Variants in GBP3 observed in about 807,000 individuals in gnomAD.
GBP3 encodes guanylate binding protein 3, also known as guanylate-binding protein 3.
GBP3 carries 55 observed loss-of-function variants against 62.4 expected under a neutral mutation model. The ratio of observed to expected loss-of-function variants is 0.88; its 90% CI spans 0.71 to 1.10. GBP3 has a LOEUF of 1.10. Among genes scored for constraint, GBP3 ranks in the 50% least tolerant of loss-of-function variants. The pLI is 0.00. For missense variants in GBP3, 605 were observed against 690.6 expected, an observed-to-expected ratio of 0.88 and a Z score of 1.39; for synonymous variants, 208 against 259.2, an observed-to-expected ratio of 0.80 and a Z score of 1.90.
chr1:89,007,795 C>T lies in GBP3; in HGVS notation c.1717G>A (p.Glu573Lys), dbSNP rs1357084373. ...AGGGTCTTCTGTAGCTTTTGTATCT[C>T]ATTTTGAAGTTGGGTACTTTCACCT... Reference protein sequence around the residue: ...CQGESTQLQNEIQKLQKTLKK... With the variant: ...CQGESTQLQNKIQKLQKTLKK... The change falls in exon 11 of 11, where the codon GAG becomes AAG. Residue 573 changes from glutamate (E) to lysine (K), a missense_variant. Coordinates refer to ENST00000370481, the MANE Select transcript of GBP3 (RefSeq NM_018284.3). 2 of 1,613,246 alleles carry T rather than the reference C, an allele frequency of 1.2e-6. No individual in the cohort carries two copies. The highest frequency in any genetic ancestry group is 2.2e-5 in the South Asian group (2 of 91,034).
At chr1:89,012,140 A>G in intron 6 of GBP3, 113 bp from the exon 7 acceptor site, 1 of 1,063,988 alleles carries the variant, frequency 9.4e-7, no homozygotes, top group Admixed American at 2.4e-5. Context: ...CAAGGTCCTC[A>G]GAATCATCTG....
Position 89,008,652 on chromosome 1 carries a change from T to G in GBP3, c.1659+295A>C, listed in dbSNP as rs534126808. On this transcript the variant is annotated intron_variant, in intron 10 of 10. Coordinates refer to ENST00000370481, the MANE Select transcript of GBP3 (RefSeq NM_018284.3). ...TAATAGGGATAAAGTTCTCGCTTCA[T>G]ATGGTATTAAGCAAGAGATATAGAT... Among the ~76,000 whole-genome samples the G allele has an allele frequency of 3.9e-5, 6 of 152,042 alleles. No individual in the cohort carries two copies. In the South Asian group the frequency reaches 1.2e-3, roughly 32 times the overall value.
At chr1:89,018,969 G>A (rs1200890924) in intron 2 of GBP3, among the ~76,000 whole-genome samples, 1 of 152,204 alleles carries the variant, frequency 6.6e-6, no homozygotes, top group East Asian at 1.9e-4. Flanking sequence ...AATAACAAAT[G>A]TTGGTGAATA....
chr1:89,012,170 T>A, intron 6 of GBP3, 143 bp from the exon 7 acceptor site: 1 of 885,254 alleles, frequency 1.1e-6, no homozygotes, highest in Non-Finnish European at 1.7e-6. Context: ...TGGAAATGCC[T>A]ATTGTTAGCC....
Position 89,015,366 on chromosome 1 carries a change from A to C in GBP3, c.239T>G (p.Met80Arg). 6.2e-7 allele frequency: 1 copy of C among 1,613,742 alleles called. No individual in the cohort carries two copies. Among genetic ancestry groups the C allele is most frequent in the Non-Finnish European group, 8.5e-7 (1 of 1,179,818 alleles). ...CTTTTTGGGGTGAGGCACACACCACATCCAGATTCCTTTGGTGTGAGATTT... is the reference window on the plus strand; with the variant it reads ...CTTTTTGGGGTGAGGCACACACCACCTCCAGATTCCTTTGGTGTGAGATTT... ...TVKSHTKGIW[M>R]WCVPHPKKPE... Residue 80 changes from methionine (M) to arginine (R), a missense_variant, in exon 3 of 11, where the codon ATG becomes AGG. Physicochemically the swap from Met to Arg is moderately conservative, Grantham distance 91. Transcript: ENST00000370481.
chr1:89,014,406 T>C (rs1399623487), intron 4 of GBP3, 127 bp from the exon 5 acceptor site: 4 of 1,593,872 alleles, frequency 2.5e-6, no homozygotes, highest in Middle Eastern at 1.7e-4. Context: ...AGTGGATACA[T>C]GGGATCTCTC....
chr1:89,018,715 C>T (rs1346534798), intron 2 of GBP3, among the ~76,000 whole-genome samples: 1 of 151,950 alleles, frequency 6.6e-6, no homozygotes, highest in Non-Finnish European at 1.5e-5. Flanking sequence ...CCCATGTGAC[C>T]ATCTCACCTC....
intron 10 of GBP3, 22 bp from the exon 11 acceptor site, chr1:89,007,874 C>G (rs368179498): frequency 2.5e-6 from 4 of 1,605,334 alleles, no homozygotes; most frequent in African/African-American, 1.3e-5. Context: ...CAAATGGAGG[C>G]TAAATAAGTG....
intron 2 of GBP3, among the ~76,000 whole-genome samples, chr1:89,015,973 G>A (rs1678869117): frequency 6.6e-6 from 1 of 152,092 alleles, no homozygotes; most frequent in African/African-American, 2.4e-5. Flanking sequence ...GAAACAGAAA[G>A]CATCTAAATT....
chr1:89,022,837 A>G lies in GBP3; in HGVS notation c.-176T>C, dbSNP rs1679322562. 1.3e-5 allele frequency: 2 copies of G among 152,188 alleles called. No homozygotes were observed. Among genetic ancestry groups the G allele is most frequent in the Admixed American group, 6.5e-5 (1 of 15,282 alleles). 9.4% of individuals were successfully genotyped at this position (152,188 alleles called of 1,614,324 possible). ...AATTAGAAGTTAAGCAACCTTTGTA[A>G]TGGCTTCAGAGCCTAATGAAACTGA... is the stretch of plus-strand genomic sequence containing the variant. On this transcript the variant is annotated 5_prime_UTR_variant, in exon 1 of 11. Coordinates refer to ENST00000370481, the MANE Select transcript of GBP3 (RefSeq NM_018284.3).
Position 89,009,448 on chromosome 1 carries a change from G to T in GBP3, c.1409C>A (p.Thr470Asn), listed in dbSNP as rs774434049. 6.2e-7 allele frequency: 1 copy of T among 1,613,932 alleles called. No individual in the cohort carries two copies. Among genetic ancestry groups the T allele is most frequent in the South Asian group, 1.1e-5 (1 of 91,082 alleles). ...CTGGTCTGTCTGTAGAATTGCATCGGTCACAGACTCCTTGGATTTCAAGTA... is the reference window on the plus strand; with the variant it reads ...CTGGTCTGTCTGTAGAATTGCATCGTTCACAGACTCCTTGGATTTCAAGTA... Reference protein sequence around the residue: ...QTYLKSKESVTDAILQTDQIL... With the variant: ...QTYLKSKESVNDAILQTDQIL... Residue 470 changes from threonine to asparagine, a missense_variant, in exon 9 of 11, where the codon ACC (threonine) becomes AAC (asparagine). Physicochemically the swap from Thr to Asn is moderately conservative, Grantham distance 65 (BLOSUM62 0). This residue lies in a region of GBP3 where 160 missense variants were observed against 147.8 expected (regional missense o/e 1.08). Coordinates refer to ENST00000370481, the MANE Select transcript of GBP3 (RefSeq NM_018284.3).
In GBP3 at chr1:89,006,925, T is replaced by G. The variant is rs1557720339; in HGVS notation, c.*799A>C. 6.6e-6 allele frequency: 1 copy of G among 152,228 alleles called. No individual in the cohort carries two copies. Among genetic ancestry groups the G allele is most frequent in the African/African-American group, 2.4e-5 (1 of 41,462 alleles). 9.4% of individuals were successfully genotyped at this position (152,228 alleles called of 1,614,324 possible). A position where few individuals can be genotyped will look rare whatever the true frequency, so the allele number is the denominator to read the frequency against. The stretch of plus-strand genomic sequence containing the variant: ...AAAAGACTAACTTATGCTTTAGGAT[T>G]AAAACAATCAAATAATTAAATTAGT... On this transcript the variant is annotated 3_prime_UTR_variant, in exon 11 of 11. Coordinates refer to ENST00000370481, the MANE Select transcript of GBP3 (RefSeq NM_018284.3).
At chr1:89,010,782 A>G (rs1678514000) in intron 8 of GBP3, 122 bp downstream of exon 8, 1 of 1,257,460 alleles carries the variant, frequency 8.0e-7, no homozygotes, top group South Asian at 1.3e-5. Flanking sequence ...ATGTTATTGA[A>G]TGAAAGCATG....
chr1:89,010,971 C>A lies in GBP3; in HGVS notation c.1295G>T (p.Cys432Phe). The change falls in exon 8 of 11, where the codon TGT becomes TTT. Residue 432 changes from cysteine (C) to phenylalanine (F), a missense_variant. Physicochemically the swap from Cys to Phe is radical, Grantham distance 205. Transcript: ENST00000370481. ...GTCTTGTAGCTTCTGAATAAAGAGA[C>A]AATAGCCCCCTGGTTTCGAATAAAT... The part of the protein sequence containing the change: ...AGIYSKPGGY[C>F]LFIQKLQDLE... 8 of 1,461,530 alleles carry A rather than the reference C, an allele frequency of 5.5e-6. 2 individuals carry two copies. Among genetic ancestry groups the A allele is most frequent in the Non-Finnish European group, 7.6e-6 (8 of 1,055,146 alleles). The allele number at this position is 1,461,530 out of a possible 1,614,324, so 90.5% of individuals were successfully genotyped here. A position where few individuals can be genotyped will look rare whatever the true frequency, so the allele number is the denominator to read the frequency against.
chr1:89,010,764 C>G (rs1017649961), intron 8 of GBP3, 140 bp downstream of exon 8: 1 of 1,092,466 alleles, frequency 9.2e-7, no homozygotes, highest in African/African-American at 1.6e-5. Flanking sequence ...CAGTCTCCCT[C>G]CCTGCATATG....
intron 6 of GBP3, 53 bp downstream of exon 6, chr1:89,013,132 C>G (rs1336071080): frequency 6.3e-7 from 1 of 1,582,498 alleles, no homozygotes; most frequent in Non-Finnish European, 8.6e-7. Context: ...ACCATCATGC[C>G]TGGCCATCCT....
chr1:89,020,815 C>G (rs1353011829), intron 1 of GBP3, 72 bp from the exon 2 acceptor site: 2 of 1,368,832 alleles, frequency 1.5e-6, no homozygotes, highest in African/African-American at 2.9e-5. Flanking sequence ...CACAGAATTC[C>G]CCAGGATGGC....
In GBP3 at chr1:89,014,279, G is replaced by A. The variant is rs369624400; in HGVS notation, c.429C>T (p.Tyr143=). The A allele has an allele frequency of 1.2e-6, 2 of 1,614,146 alleles. No homozygotes were observed. Among genetic ancestry groups the A allele is most frequent in the Non-Finnish European group, 1.7e-6 (2 of 1,179,982 alleles). Residue 143 remains tyrosine, a splice_region_variant and synonymous_variant, in exon 5 of 11, where the codon TAC becomes TAT. Coordinates refer to ENST00000370481, the MANE Select transcript of GBP3 (RefSeq NM_018284.3). ...TTCGATGTGTCAGCTCTGTCACATA[G>A]CTGAGTAGCTAACTAAGGAAATGTG... ...TINQQAMDQL[Y]YVTELTHRIR... is the part of the protein sequence containing the mutation.
chr1:89,007,805 T>C lies in GBP3; in HGVS notation c.1707A>G (p.Gln569=). The change falls in exon 11 of 11, where the codon CAA becomes CAG. Residue 569 remains glutamine, a synonymous_variant. Transcript: ENST00000370481. ...LKERCQGEST[Q]LQNEIQKLQK... ...GTAGCTTTTGTATCTCATTTTGAAG[T>C]TGGGTACTTTCACCTTGGCATCTCT... 6.2e-7 allele frequency: 1 copy of C among 1,613,832 alleles called. No homozygotes were observed. The highest frequency in any genetic ancestry group is 8.5e-7 in the Non-Finnish European group (1 of 1,179,736).
Sources: gnomAD v4.1 joint callset for allele counts (sites outside exome capture counted in the v4.1 genomes callset) on GRCh38, gnomAD v4.1.1 for gene constraint, gnomAD v4.1.1 regional missense constraint, MANE v1.5 for transcripts, NCBI Gene and HGNC (gene_info 2026-07-23, HGNC 2026-07-21) for gene names.